Variants in TNKS2 observed in about 807,000 individuals in gnomAD.
TNKS2 encodes tankyrase 2.
In TNKS2, 72 loss-of-function variants were observed where a neutral mutation model predicts 137.6. That is an observed-to-expected ratio of 0.52 (90% CI 0.43 to 0.64). The LOEUF (loss-of-function observed/expected upper bound fraction) is 0.64, where lower values mean the gene tolerates loss of function less well. TNKS2 is among the 30% of genes least tolerant of loss of function. The probability of loss-of-function intolerance (pLI) is 0.00; values close to 1 mark genes in which losing one functional copy is unlikely to be tolerated. For synonymous variants in TNKS2, 516 were observed against 512.1 expected, an observed-to-expected ratio of 1.01 and a Z score of -0.10; for missense variants, 1,049 against 1,410.2, an observed-to-expected ratio of 0.74 and a Z score of 4.10.
In TNKS2 at chr10:91,798,855, G is replaced by A. The variant is rs748532095; in HGVS notation, c.165G>A (p.Ala55=). The A allele has an allele frequency of 2.9e-6, 4 of 1,361,600 alleles. No individual in the cohort carries two copies. Among genetic ancestry groups the A allele is most frequent in the East Asian group, 6.0e-5 (2 of 33,060 alleles). The allele number at this position is 1,361,600 out of a possible 1,614,324, so 84.3% of individuals were successfully genotyped here. Residue 55 remains alanine, a synonymous_variant, in exon 1 of 27, where the codon GCG becomes GCA. Transcript: ENST00000371627. ...AGAAGGTGAACAGCCGCGACACGGC[G>A]GGCAGGAAATCCACCCCGCTGCACT... The part of the protein sequence containing the change: ...TPEKVNSRDT[A]GRKSTPLHFA...
At chr10:91,803,299 A>G (rs2153655) in intron 1 of TNKS2, among the ~76,000 whole-genome samples, 78,785 of 151,972 alleles carry the variant, frequency 0.52, 20,856 homozygotes, top group East Asian at 0.72. Context: ...TATCACCTGA[A>G]CTCAAGAGTT....
At chr10:91,843,779 T>C (rs1037102588) in intron 16 of TNKS2, among the ~76,000 whole-genome samples, 5 of 152,178 alleles carry the variant, frequency 3.3e-5, no homozygotes, top group Non-Finnish European at 5.9e-5. Flanking sequence ...GAAAAAATAA[T>C]GCAAAATTTC....
chr10:91,800,193 A>G (rs1008451259), intron 1 of TNKS2, among the ~76,000 whole-genome samples: 2 of 152,326 alleles, frequency 1.3e-5, no homozygotes, highest in East Asian at 1.9e-4. Flanking sequence ...AAGGAAGAAT[A>G]CTTAAGTCAA....
At chr10:91,846,311 T>C (rs1842369449) in intron 18 of TNKS2, among the ~76,000 whole-genome samples, 1 of 152,190 alleles carries the variant, frequency 6.6e-6, no homozygotes, top group Non-Finnish European at 1.5e-5. Flanking sequence ...CGGCCCCAAC[T>C]GGGAACATTG....
At chr10:91,846,591 G>C (rs1842381780) in intron 18 of TNKS2, among the ~76,000 whole-genome samples, 1 of 152,330 alleles carries the variant, frequency 6.6e-6, no homozygotes, top group East Asian at 1.9e-4. Flanking sequence ...GACTAGAGCA[G>C]TGGAAAGAAA....
chr10:91,862,844 C>A, intron 26 of TNKS2, 93 bp from the exon 27 acceptor site: 2 of 812,700 alleles, frequency 2.5e-6, no homozygotes, highest in South Asian at 1.7e-5. Flanking sequence ...TAATTTAGAA[C>A]CTCCTCCCTA....
Position 91,831,163 on chromosome 10 carries a change from G to A in TNKS2, c.1257G>A (p.Val419=). 2 of 1,613,874 alleles carry A rather than the reference G, an allele frequency of 1.2e-6. No homozygotes were observed. Among genetic ancestry groups the A allele is most frequent in the Non-Finnish European group, 1.7e-6 (2 of 1,179,896 alleles). ...EKAHNDVVEV[V]VKHEAKVNAL... ...CTCATAATGATGTTGTTGAAGTAGTGGTGAAACATGAAGCAAAGGTATACT... is the reference window on the plus strand; with the variant it reads ...CTCATAATGATGTTGTTGAAGTAGTAGTGAAACATGAAGCAAAGGTATACT... Residue 419 remains valine, a synonymous_variant, in exon 11 of 27, where the codon GTG becomes GTA. Coordinates refer to ENST00000371627, the MANE Select transcript of TNKS2 (RefSeq NM_025235.4).
At chr10:91,830,813 TAAAAC>T in intron 9 of TNKS2, 105 bp from the exon 10 acceptor site, 4 of 987,844 alleles carry the variant, frequency 4.0e-6, no homozygotes, top group Non-Finnish European at 2.9e-6. Flanking sequence ...GCGTCAAAAG[TAAAAC>T]AAAAAGATTA....
At chr10:91,814,526 T>C (rs530721138) in intron 2 of TNKS2, among the ~76,000 whole-genome samples, 1 of 152,326 alleles carries the variant, frequency 6.6e-6, no homozygotes, top group East Asian at 1.9e-4. Context: ...ATACTAGGCC[T>C]TCACATTCAC....
chr10:91,804,052 AT>A (rs1451290884), intron 1 of TNKS2, among the ~76,000 whole-genome samples: 1 of 133,054 alleles, frequency 7.5e-6, no homozygotes, highest in African/African-American at 4.3e-5. Flanking sequence ...AAAATGTGAT[AT>A]TATTAACAAT....
chr10:91,807,151 A>T (rs1286840342), intron 1 of TNKS2: 6 of 1,559,194 alleles, frequency 3.8e-6, no homozygotes, highest in Non-Finnish European at 5.3e-6. Context: ...CTTCCTAAGT[A>T]CACGACAAAG....
chr10:91,798,513 A>T lies in TNKS2; in HGVS notation c.-178A>T. 1.5e-6 allele frequency: 1 copy of T among 678,310 alleles called. No individual in the cohort carries two copies. The highest frequency in any genetic ancestry group is 2.0e-6 in the Non-Finnish European group (1 of 499,902). The allele number at this position is 678,310 out of a possible 1,614,324, so 42.0% of individuals were successfully genotyped here. ...GGGGCAGCCGGGGGGCAGGGAGCCC[A>T]GCGAGGGGCGCGCGTGGGCGCGGCC... On this transcript the variant is annotated 5_prime_UTR_variant, in exon 1 of 27. Transcript: ENST00000371627.
chr10:91,809,094 G>A (rs960419602), intron 1 of TNKS2, among the ~76,000 whole-genome samples: 2 of 152,138 alleles, frequency 1.3e-5, no homozygotes, highest in Non-Finnish European at 2.9e-5. Context: ...ATAAAATACT[G>A]ATAGGAGTTG....
intron 3 of TNKS2, 92 bp from the exon 4 acceptor site, chr10:91,819,178 A>T: frequency 2.8e-6 from 2 of 718,296 alleles, no homozygotes; most frequent in Non-Finnish European, 4.4e-6. Flanking sequence ...TTCCAAATTT[A>T]TCTACTTTAT....
Position 91,831,140 on chromosome 10 carries a change from CATA to C in TNKS2, c.1237_1239del (p.Asn413del). On this transcript the variant is annotated inframe_deletion, in exon 11 of 27. Coordinates refer to ENST00000371627, the MANE Select transcript of TNKS2 (RefSeq NM_025235.4). ...TCTGCACGTGGCATCTGAGAAAGCTCATAATGATGTTGTTGAAGTAGTGGTGAA... is the reference window on the plus strand; with the variant it reads ...TCTGCACGTGGCATCTGAGAAAGCTCATGATGTTGTTGAAGTAGTGGTGAA... 6.2e-7 allele frequency: 1 copy of C among 1,613,986 alleles called. No individual in the cohort carries two copies. Among genetic ancestry groups the C allele is most frequent in the Non-Finnish European group, 8.5e-7 (1 of 1,179,942 alleles).
intron 1 of TNKS2, among the ~76,000 whole-genome samples, chr10:91,808,318 G>A (rs1475010159): frequency 1.3e-5 from 2 of 151,732 alleles, no homozygotes; most frequent in Non-Finnish European, 2.9e-5. Flanking sequence ...GTACCAAGTC[G>A]CTGACATACT....
At chr10:91,835,451 G>A (rs530663755) in intron 12 of TNKS2, among the ~76,000 whole-genome samples, 61 of 151,238 alleles carry the variant, frequency 4.0e-4, no homozygotes, top group South Asian at 2.1e-3. Flanking sequence ...CACCACACCC[G>A]GCTAACTTTC....
At chr10:91,849,786 G>A (rs958153215) in intron 20 of TNKS2, among the ~76,000 whole-genome samples, 192 bp downstream of exon 20, 5 of 152,164 alleles carry the variant, frequency 3.3e-5, no homozygotes, top group Non-Finnish European at 5.9e-5. Flanking sequence ...CAGTTGACTC[G>A]AGTAGTAATG....
chr10:91,840,820 G>T, intron 14 of TNKS2, 114 bp downstream of exon 14: 2 of 1,032,816 alleles, frequency 1.9e-6, no homozygotes, highest in South Asian at 1.8e-5. Context: ...CCTAACATTG[G>T]CCTAAATATT....
Sources: gnomAD v4.1 joint callset for allele counts (sites outside exome capture counted in the v4.1 genomes callset) on GRCh38, gnomAD v4.1.1 for gene constraint, MANE v1.5 for transcripts, NCBI Gene and HGNC (gene_info 2026-07-23, HGNC 2026-07-21) for gene names.